The following TRMT2B variants were observed in gnomAD, a reference collection of about 807,000 sequenced individuals.
TRMT2B encodes the protein tRNA (uracil-5-)-methyltransferase homolog B.
In TRMT2B, 34 loss-of-function variants were observed where a neutral mutation model predicts 39.7. The ratio of observed to expected loss-of-function variants is 0.86; its 90% CI spans 0.65 to 1.14. The LOEUF is 1.14. Among genes scored for constraint, TRMT2B ranks in the 50% most tolerant of loss-of-function variants. TRMT2B has a pLI of 0.00. For missense variants in TRMT2B, 318 were observed against 377.2 expected (o/e 0.84, Z 1.30); for synonymous variants, 132 against 137.3 (o/e 0.96, Z 0.27).
intron 2 of TRMT2B, among the ~76,000 whole-genome samples, chrX:101,044,839 CAA>C (rs753968399): frequency 0.018 from 565 of 31,024 alleles, 5 homozygotes; most frequent in African/African-American, 0.067. Context: ...AACTCGGTCT[CAA>C]AAAAAAAAAA....
At chrX:101,025,631 A>G (rs2087027449) in intron 7 of TRMT2B, among the ~76,000 whole-genome samples, 1 of 111,929 alleles carries the variant, frequency 8.9e-6, no homozygotes, top group East Asian at 2.8e-4. Flanking sequence ...TTTACTCAAC[A>G]TAGTTTTCAA....
chrX:101,032,362 C>T (rs1011027313), intron 7 of TRMT2B, among the ~76,000 whole-genome samples: 4 of 107,074 alleles, frequency 3.7e-5, no homozygotes, highest in Non-Finnish European at 7.7e-5. Context: ...CTGAGGTGGG[C>T]GAATCACGAG....
chrX:100,994,892 T>A, the TRMT2B span, among the ~76,000 whole-genome samples: 1 of 111,677 alleles, frequency 9.0e-6, no homozygotes, highest in Non-Finnish European at 1.9e-5. Context: ...CACCTTGGCA[T>A]CCCAAAGTGC....
At chrX:101,039,772 C>T (rs766888234) in intron 4 of TRMT2B, among the ~76,000 whole-genome samples, 1 of 109,699 alleles carries the variant, frequency 9.1e-6, no homozygotes, top group South Asian at 3.9e-4. Context: ...TAGTGGTACA[C>T]GCCTATAGTC....
the TRMT2B span, among the ~76,000 whole-genome samples, chrX:100,991,407 G>A: frequency 1.7e-5 from 1 of 58,379 alleles, no homozygotes; most frequent in Non-Finnish European, 4.3e-5. Flanking sequence ...TTGAGACAGA[G>A]TCTCACTGTC....
chrX:100,982,929 T>G, the TRMT2B span, among the ~76,000 whole-genome samples: 1 of 110,778 alleles, frequency 9.0e-6, no homozygotes, highest in Admixed American at 9.7e-5. Context: ...CCTCAGGATT[T>G]TGTTAACCAT....
the TRMT2B span, among the ~76,000 whole-genome samples, chrX:100,996,269 G>T: frequency 2.7e-5 from 3 of 112,272 alleles, no homozygotes; most frequent in Non-Finnish European, 5.6e-5. Context: ...AGGCTGGGAA[G>T]GGTGGAGCGG....
At chrX:101,038,716 G>A (rs2088018789) in intron 4 of TRMT2B, among the ~76,000 whole-genome samples, 1 of 112,075 alleles carries the variant, frequency 8.9e-6, no homozygotes, top group Non-Finnish European at 1.9e-5. Flanking sequence ...CTGAGCACTT[G>A]AAATGTGGTC....
intron 7 of TRMT2B, among the ~76,000 whole-genome samples, chrX:101,031,006 C>G (rs1569481667): frequency 9.1e-6 from 1 of 109,667 alleles, no homozygotes; most frequent in Non-Finnish European, 1.9e-5. Flanking sequence ...GGGTCTTGCT[C>G]TATCGCCCAG....
chrX:101,045,873 G>A (rs1048451449), intron 2 of TRMT2B, among the ~76,000 whole-genome samples: 1 of 108,057 alleles, frequency 9.3e-6, no homozygotes, highest in Non-Finnish European at 1.9e-5. Flanking sequence ...CAGGCCAGGC[G>A]CAGTGGCTCA....
the TRMT2B span, chrX:100,985,667 T>A: frequency 8.3e-7 from 1 of 1,207,395 alleles, no homozygotes; most frequent in Non-Finnish European, 1.1e-6. Context: ...CTATGCACAG[T>A]ACTTCCCAGT....
intron 4 of TRMT2B, among the ~76,000 whole-genome samples, chrX:101,040,407 C>G (rs1228438302): frequency 9.0e-6 from 1 of 110,642 alleles, no homozygotes; most frequent in Admixed American, 9.8e-5. Context: ...TGGCTCATAA[C>G]AAACACACTG....
chrX:100,990,061 C>A, the TRMT2B span, among the ~76,000 whole-genome samples: 1 of 112,675 alleles, frequency 8.9e-6, no homozygotes, highest in African/African-American at 3.2e-5. Context: ...GAATGGATAC[C>A]TGGGACACAG....
In TRMT2B at chrX:101,019,181, G is replaced by A. The variant is rs376122192; in HGVS notation, c.1288+103C>T. 100 of 1,151,702 alleles carry A rather than the reference G, an allele frequency of 8.7e-5. No homozygotes were observed. The African/African-American group carries it at 1.4e-3, about 16-fold the overall frequency. 94.9% of individuals were successfully genotyped at this position (1,151,702 alleles called of 1,213,427 possible). On this transcript the variant is annotated intron_variant, in intron 12 of 13. Coordinates refer to ENST00000372936, the MANE Select transcript of TRMT2B (RefSeq NM_024917.6). ...TTGATTAGAAATAGAGGGGAAACAG[G>A]TTCAGAGCCAGCCCACTGGGAGCAC...
At position 101,041,390 on chromosome X, in the gene TRMT2B, G is replaced by A. The variant is rs1224507634; in HGVS notation, c.249-19C>T. The stretch of plus-strand genomic sequence containing the variant: ...AGCCAGCCTTGAATAAAATAATTCA[G>A]GCAATTCTTTAATTATATAAATATG... On this transcript the variant is annotated intron_variant, in intron 3 of 13. Transcript: ENST00000372936. 1 of 1,192,090 alleles carries A rather than the reference G, an allele frequency of 8.4e-7. No homozygotes were observed. The highest frequency in any genetic ancestry group is 1.1e-6 in the Non-Finnish European group (1 of 882,131).
At chrX:100,974,380 C>T in the TRMT2B span, among the ~76,000 whole-genome samples, 1 of 109,934 alleles carries the variant, frequency 9.1e-6, no homozygotes, top group East Asian at 2.9e-4. Context: ...CTCTCTCTCT[C>T]TCTCCCCCTT....
At chrX:100,988,551 T>A in the TRMT2B span, 1 of 1,071,493 alleles carries the variant, frequency 9.3e-7, no homozygotes, top group Non-Finnish European at 1.2e-6. Flanking sequence ...ATGACAATAT[T>A]TTTGAAGGTA....
At chrX:101,003,395 C>A in the TRMT2B span, among the ~76,000 whole-genome samples, 46,182 of 102,987 alleles carry the variant, frequency 0.45, 8,877 homozygotes, top group African/African-American at 0.64. Context: ...GTTGCCCAGG[C>A]TGGAGTACAA....
At chrX:100,982,470 AAAATAAATAAAT>A in the TRMT2B span, among the ~76,000 whole-genome samples, 364 of 91,287 alleles carry the variant, frequency 4.0e-3, 1 homozygote, top group African/African-American at 0.012. Flanking sequence ...CCAGGCTTAA[AAAATAAATAAAT>A]AAATAAATAA....
Sources: gnomAD v4.1 joint callset for allele counts (sites outside exome capture counted in the v4.1 genomes callset) on GRCh38, gnomAD v4.1.1 for gene constraint, MANE v1.5 for transcripts, NCBI Gene and HGNC (gene_info 2026-07-23, HGNC 2026-07-21) for gene names.